CD80: variants seen among roughly 807,000 people sequenced by gnomAD.
The protein encoded by CD80 is T-lymphocyte activation antigen CD80.
A neutral mutation model predicts 27.1 loss-of-function variants in CD80; 13 were observed. That is an observed-to-expected ratio of 0.48 (90% confidence interval 0.31 to 0.76). The LOEUF is 0.76. CD80 is among the 30% of genes least tolerant of loss of function. The pLI is 0.04. For synonymous variants in CD80, 125 were observed against 125.5 expected (o/e 1.00, Z 0.03); for missense variants, 277 against 347.9 (o/e 0.80, Z 1.62).
At position 119,537,225 on chromosome 3, in the gene CD80, C is replaced by T; in HGVS notation, c.612G>A (p.Leu204=). The T allele has an allele frequency of 6.2e-7, 1 of 1,614,048 alleles. No homozygotes were observed. Among genetic ancestry groups the T allele is most frequent in the Non-Finnish European group, 8.5e-7 (1 of 1,179,974 alleles). Residue 204 remains leucine, a synonymous_variant, in exon 4 of 7, where the codon CTG becomes CTA. Transcript: ENST00000264246. The part of the protein sequence containing the change: ...ETELYAVSSK[L]DFNMTTNHSF... ...TGTGGTTGGTTGTCATATTGAAATC[C>T]AGTTTGCTGCTAACAGCATAGAGCT...
rs755451534 is a variant in CD80, at chr3:119,524,710, C to G, written c.*1078G>C. The G allele has an allele frequency of 2.0e-5, 3 of 152,204 alleles. No individual in the cohort carries two copies. The highest frequency in any genetic ancestry group is 2.9e-5 in the Non-Finnish European group (2 of 68,038). The allele number at this position is 152,204 out of a possible 1,614,324, so 9.4% of individuals were successfully genotyped here. On this transcript the variant is annotated 3_prime_UTR_variant, in exon 7 of 7. Coordinates refer to ENST00000264246, the MANE Select transcript of CD80 (RefSeq NM_005191.4). The stretch of plus-strand genomic sequence containing the variant: ...ATCCCAGCTTAAGTTGCGTCCACTT[C>G]TGGTCTAGTGAATTGTGGAAGGCAG...
rs757959185 is a variant in CD80, at chr3:119,524,357, A to C, written c.*1431T>G. On this transcript the variant is annotated 3_prime_UTR_variant, in exon 7 of 7. Coordinates refer to ENST00000264246, the MANE Select transcript of CD80 (RefSeq NM_005191.4). ...ATTGCTGACAAAGTATCTGCTGTAG[A>C]ATACAGGAATTACTTAGAATAGAAA... is the stretch of plus-strand genomic sequence containing the variant. The C allele has an allele frequency of 3.9e-5, 6 of 152,280 alleles. No individual in the cohort carries two copies. Among genetic ancestry groups the C allele is most frequent in the Non-Finnish European group, 8.8e-5 (6 of 68,062 alleles). The allele number at this position is 152,280 out of a possible 1,614,324, so 9.4% of individuals were successfully genotyped here.
At chr3:119,526,849 C>A (rs866141558) in intron 6 of CD80, among the ~76,000 whole-genome samples, 3 of 152,128 alleles carry the variant, frequency 2.0e-5, no homozygotes, top group African/African-American at 7.2e-5. Flanking sequence ...TGGTGTTACT[C>A]TAACCTTCAC....
chr3:119,526,177 A>G (rs1040690075), intron 6 of CD80, among the ~76,000 whole-genome samples: 7 of 152,154 alleles, frequency 4.6e-5, no homozygotes, highest in African/African-American at 1.7e-4. Context: ...GCTTTTCTCA[A>G]TAAACCTACA....
chr3:119,554,236 G>T (rs1447404283), intron 2 of CD80, among the ~76,000 whole-genome samples: 2 of 152,240 alleles, frequency 1.3e-5, no homozygotes, highest in Non-Finnish European at 2.9e-5. Flanking sequence ...GGTGTGTGTT[G>T]CAGGGAGAGG....
intron 2 of CD80, among the ~76,000 whole-genome samples, chr3:119,555,210 G>A (rs2082257052): frequency 1.3e-5 from 2 of 152,114 alleles, no homozygotes; most frequent in Admixed American, 6.5e-5. Context: ...TACATCCTGC[G>A]CCAGGGCAGT....
Position 119,557,923 on chromosome 3 carries a change from C to T in CD80, c.-195G>A, listed in dbSNP as rs1447143139. On this transcript the variant is annotated 5_prime_UTR_variant, in exon 2 of 7. Transcript: ENST00000264246. The stretch of plus-strand genomic sequence containing the variant: ...TCTCCAAAGGTTGTGGATTTAGTTT[C>T]ACAGCCTGAAAAAGGAACAAATAAA... 4.9e-6 allele frequency: 2 copies of T among 406,372 alleles called. No homozygotes were observed. Among genetic ancestry groups the T allele is most frequent in the South Asian group, 8.3e-5 (1 of 12,048 alleles). The allele number at this position is 406,372 out of a possible 1,614,324, so 25.2% of individuals were successfully genotyped here. A position where few individuals can be genotyped will look rare whatever the true frequency, so the allele number is the denominator to read the frequency against.
chr3:119,526,743 T>A (rs767176148), intron 6 of CD80, among the ~76,000 whole-genome samples: 3 of 152,238 alleles, frequency 2.0e-5, no homozygotes, highest in Non-Finnish European at 2.9e-5. Context: ...GCGTCAGGTA[T>A]TATTTTTCAT....
At chr3:119,554,556 G>T (rs1489000846) in intron 2 of CD80, among the ~76,000 whole-genome samples, 1 of 152,140 alleles carries the variant, frequency 6.6e-6, no homozygotes, top group Non-Finnish European at 1.5e-5. Context: ...GGGGAGAGGA[G>T]CCTGGCTGGT....
chr3:119,546,274 G>A (rs889445090), intron 2 of CD80, among the ~76,000 whole-genome samples: 2 of 152,150 alleles, frequency 1.3e-5, no homozygotes, highest in African/African-American at 2.4e-5. Flanking sequence ...TGGTGGAGGA[G>A]GGCAAGGTGC....
At chr3:119,537,539 C>G (rs956548278) in intron 3 of CD80, 121 bp from the exon 4 acceptor site, 2 of 691,034 alleles carry the variant, frequency 2.9e-6, no homozygotes, top group Non-Finnish European at 4.7e-6. Context: ...CAGTGGCTCA[C>G]TCCTGTAATC....
intron 3 of CD80, among the ~76,000 whole-genome samples, chr3:119,543,511 C>T (rs2082183168): frequency 6.6e-6 from 1 of 150,906 alleles, no homozygotes; most frequent in Non-Finnish European, 1.5e-5. Context: ...GGCTGGAGTG[C>T]AGTGGCACCA....
Position 119,557,687 on chromosome 3 carries a change from A to T in CD80, c.42T>A (p.Cys14Ter). 1.2e-6 allele frequency: 2 copies of T among 1,613,870 alleles called. No individual in the cohort carries two copies. Among genetic ancestry groups the T allele is most frequent in the South Asian group, 2.2e-5 (2 of 90,968 alleles). Reference protein sequence around the residue: ...TRRQGTSPSKCPYLNFFQLLV... With the variant: ...TRRQGTSPSK ...AGAGCTGAAAGAAATTGAGGTATGG[A>T]CACTTGGATGGTGATGTTCCCTGCC... is the stretch of plus-strand genomic sequence containing the variant. The change falls in exon 2 of 7, where the codon TGT (cysteine) becomes TGA (stop). Residue 14 changes from cysteine (C) to a stop codon, truncating the protein, a stop_gained. Transcript: ENST00000264246. LOFTEE classifies it high-confidence loss of function.
intron 2 of CD80, among the ~76,000 whole-genome samples, chr3:119,552,858 C>A (rs1056407442): frequency 3.9e-5 from 6 of 151,992 alleles, no homozygotes; most frequent in African/African-American, 7.2e-5. Context: ...TTCTTTCTTA[C>A]CTGGATTCTG....
intron 2 of CD80, among the ~76,000 whole-genome samples, chr3:119,545,940 C>T (rs1034522069): frequency 2.4e-4 from 37 of 152,120 alleles, no homozygotes; most frequent in Admixed American, 5.2e-4. Flanking sequence ...ATAGTGTTTT[C>T]TATAGCAGTT....
At chr3:119,555,823 T>G (rs1287462819) in intron 2 of CD80, among the ~76,000 whole-genome samples, 1 of 152,232 alleles carries the variant, frequency 6.6e-6, no homozygotes, top group Non-Finnish European at 1.5e-5. Flanking sequence ...GATGCTCATG[T>G]TTGTTGAATT....
At chr3:119,533,587 T>C (rs1426923305) in intron 4 of CD80, among the ~76,000 whole-genome samples, 1 of 152,042 alleles carries the variant, frequency 6.6e-6, no homozygotes, top group Non-Finnish European at 1.5e-5. Flanking sequence ...AGTTAATGAG[T>C]CTCACGAGAT....
chr3:119,554,468 T>C (rs1193746883), intron 2 of CD80, among the ~76,000 whole-genome samples: 1 of 152,204 alleles, frequency 6.6e-6, no homozygotes, highest in Non-Finnish European at 1.5e-5. Context: ...TGTTAGAGCC[T>C]CTGCCTTACT....
At chr3:119,527,529 C>G in intron 6 of CD80, 1 of 469,678 alleles carries the variant, frequency 2.1e-6, no homozygotes, top group Non-Finnish European at 3.7e-6. Flanking sequence ...AGAATGGAAA[C>G]ATGGCAAAAG....
Sources: gnomAD v4.1 joint callset for allele counts (sites outside exome capture counted in the v4.1 genomes callset) on GRCh38, gnomAD v4.1.1 for gene constraint, MANE v1.5 for transcripts, NCBI Gene and HGNC (gene_info 2026-07-23, HGNC 2026-07-21) for gene names.